CHRDL2: variants seen among roughly 807,000 people sequenced by gnomAD.
CHRDL2 encodes the protein chordin like 2.
A neutral mutation model predicts 54.3 loss-of-function variants in CHRDL2; 41 were observed. That is an observed-to-expected ratio of 0.76 (90% CI 0.59 to 0.98). The LOEUF (loss-of-function observed/expected upper bound fraction) is 0.98, where lower values mean the gene tolerates loss of function less well. CHRDL2 is among the 50% of genes least tolerant of loss of function. The pLI is 0.00. For synonymous variants in CHRDL2, 220 were observed against 224.3 expected, an observed-to-expected ratio of 0.98 and a Z score of 0.17; for missense variants, 518 against 562.4, an observed-to-expected ratio of 0.92 and a Z score of 0.80.
rs2034644812 is a variant in CHRDL2 at position 74,730,986 on chromosome 11, AC to A, written c.-99del. 1.0e-6 allele frequency: 1 copy of A among 979,340 alleles called. No homozygotes were observed. Among genetic ancestry groups the A allele is most frequent in the African/African-American group, 1.6e-5 (1 of 61,832 alleles). The allele number at this position is 979,340 out of a possible 1,614,324, so 60.7% of individuals were successfully genotyped here. On this transcript the variant is annotated 5_prime_UTR_variant, in exon 1 of 11. Coordinates refer to ENST00000376332, the MANE Select transcript of CHRDL2 (RefSeq NM_001278473.3). ...ACAGGGGCCACAGATCAACCCACAG[AC>A]CCCAGGAGGTCTGCTGCTAGAGCGG...
At chr11:74,709,366 T>G (rs2034113632) in intron 4 of CHRDL2, among the ~76,000 whole-genome samples, 2 of 152,198 alleles carry the variant, frequency 1.3e-5, no homozygotes, top group South Asian at 4.1e-4. Flanking sequence ...GAATTCTGGC[T>G]CTGTCACTTA....
At chr11:74,703,579 G>T in intron 7 of CHRDL2, 80 bp from the exon 8 acceptor site, 1 of 1,274,736 alleles carries the variant, frequency 7.8e-7, no homozygotes, top group Non-Finnish European at 1.1e-6. Context: ...CGGGTGGGGT[G>T]GGCCCTTGGG....
At chr11:74,706,609 C>T (rs1451458661) in intron 5 of CHRDL2, 67 bp from the exon 6 acceptor site, 1 of 1,468,294 alleles carries the variant, frequency 6.8e-7, no homozygotes, top group Non-Finnish European at 9.5e-7. Context: ...AGCCCTGAGG[C>T]CTCCACCTAT....
At chr11:74,717,761 G>A (rs1327484125) in intron 2 of CHRDL2, among the ~76,000 whole-genome samples, 1 of 152,202 alleles carries the variant, frequency 6.6e-6, no homozygotes, top group African/African-American at 2.4e-5. Context: ...TCTGTGCAGG[G>A]AAAGAGTGGG....
At chr11:74,712,407 C>G (rs2034222855) in intron 3 of CHRDL2, among the ~76,000 whole-genome samples, 2 of 152,260 alleles carry the variant, frequency 1.3e-5, no homozygotes, top group African/African-American at 4.8e-5. Flanking sequence ...AACAAGAGGC[C>G]TGGGCCAAGC....
intron 1 of CHRDL2, among the ~76,000 whole-genome samples, chr11:74,722,714 A>G (rs566739320): frequency 3.0e-4 from 46 of 152,216 alleles, no homozygotes; most frequent in African/African-American, 1.1e-3. Flanking sequence ...CTCATTTACT[A>G]CTGCACCAAT....
intron 1 of CHRDL2, 54 bp downstream of exon 1, chr11:74,730,753 A>G: frequency 6.6e-7 from 1 of 1,510,076 alleles, no homozygotes; most frequent in South Asian, 1.2e-5. Context: ...GCTGTCCCTC[A>G]CATTCCAGGG....
chr11:74,697,524 C>T (rs2033640507), intron 9 of CHRDL2: 1 of 578,252 alleles, frequency 1.7e-6, no homozygotes, highest in Non-Finnish European at 3.2e-6. Context: ...TGGGTCACTA[C>T]ACTAGAGTCC....
intron 4 of CHRDL2, 130 bp from the exon 5 acceptor site, chr11:74,708,525 C>A: frequency 1.5e-6 from 1 of 662,286 alleles, no homozygotes. Flanking sequence ...GAAGCAACAG[C>A]ATCTCCACAG....
intron 5 of CHRDL2, among the ~76,000 whole-genome samples, chr11:74,707,026 C>T (rs979225652): frequency 2.0e-5 from 3 of 152,164 alleles, no homozygotes; most frequent in African/African-American, 7.2e-5. Flanking sequence ...CCCCTTCGCC[C>T]CTCCAGCCTG....
chr11:74,718,723 T>A lies in CHRDL2; in HGVS notation c.192A>T (p.Ser64=). The A allele has an allele frequency of 3.1e-6, 5 of 1,609,558 alleles. No homozygotes were observed. Among genetic ancestry groups the A allele is most frequent in the Non-Finnish European group, 4.2e-6 (5 of 1,176,490 alleles). The change falls in exon 2 of 11, where the codon TCA becomes TCT. Residue 64 remains serine (S), a synonymous_variant. Coordinates refer to ENST00000376332, the MANE Select transcript of CHRDL2 (RefSeq NM_001278473.3). ...GLMYCLRCTC[S]EGAHVSCYRL... is the part of the protein sequence containing the mutation. ...TCAGGTGGCCAGAGGAACCTACCTC[T>A]GAGCAGGTACAGCGCAGGCAGTACA... is the stretch of plus-strand genomic sequence containing the variant.
chr11:74,703,392 G>C lies in CHRDL2; in HGVS notation c.859C>G (p.Gln287Glu). Residue 287 changes from glutamine to glutamate, a missense_variant, in exon 8 of 11, where the codon CAG (glutamine) becomes GAG (glutamate). Transcript: ENST00000376332. The part of the protein sequence containing the change: ...CILCTCEDGR[Q>E]DCQRVTCPTE... ...GGACAGGTCACACGCTGGCAGTCCTGGCGGCCATCCTCACAGGTGCATAGG... is the reference window on the plus strand; with the variant it reads ...GGACAGGTCACACGCTGGCAGTCCTCGCGGCCATCCTCACAGGTGCATAGG... 6.2e-7 allele frequency: 1 copy of C among 1,613,728 alleles called. No homozygotes were observed.
At chr11:74,720,873 A>G in intron 1 of CHRDL2, among the ~76,000 whole-genome samples, 1 of 152,166 alleles carries the variant, frequency 6.6e-6, no homozygotes, top group East Asian at 1.9e-4. Flanking sequence ...AAGGAGCTGG[A>G]GTTGGCCTCT....
chr11:74,727,547 G>A (rs1195393109), intron 1 of CHRDL2, among the ~76,000 whole-genome samples: 2 of 152,138 alleles, frequency 1.3e-5, no homozygotes, highest in East Asian at 1.9e-4. Context: ...TGGGACCACA[G>A]ATATGTGCCA....
In CHRDL2 at chr11:74,697,214, G is replaced by A; in HGVS notation, c.1204C>T (p.Pro402Ser). 6.2e-7 allele frequency: 1 copy of A among 1,613,480 alleles called. No individual in the cohort carries two copies. The highest frequency in any genetic ancestry group is 2.2e-5 in the East Asian group (1 of 44,880). The change falls in exon 10 of 11, where the codon CCC becomes TCC. Residue 402 changes from proline to serine, a missense_variant. Coordinates refer to ENST00000376332, the MANE Select transcript of CHRDL2 (RefSeq NM_001278473.3). Reference sequence around the variant, plus strand: ...CAGCCCAAGCTCCTACCTTCGTGGGGGCCAGCGAGCAGTCGGAAGTGCTGT... The same window carrying A: ...CAGCCCAAGCTCCTACCTTCGTGGGAGCCAGCGAGCAGTCGGAAGTGCTGT... ...EAQHFRLLAG[P>S]HEGHWNVFLA...
intron 3 of CHRDL2, among the ~76,000 whole-genome samples, chr11:74,711,192 C>T (rs2034183232): frequency 6.6e-6 from 1 of 152,128 alleles, no homozygotes; most frequent in South Asian, 2.1e-4. Flanking sequence ...TGACTGAGTC[C>T]CTCCCTCCCA....
chr11:74,720,050 C>G (rs2034468301), intron 1 of CHRDL2, among the ~76,000 whole-genome samples: 1 of 152,104 alleles, frequency 6.6e-6, no homozygotes, highest in Non-Finnish European at 1.5e-5. Context: ...AAGCTAAGTG[C>G]CAGTAAAGGT....
intron 8 of CHRDL2, 88 bp from the exon 9 acceptor site, chr11:74,703,055 T>C (rs2033882402): frequency 1.5e-6 from 2 of 1,335,732 alleles, no homozygotes; most frequent in Non-Finnish European, 2.1e-6. Context: ...TGTGACTTCA[T>C]GGAATCCGGA....
chr11:74,713,627 T>G, intron 2 of CHRDL2, 148 bp from the exon 3 acceptor site: 2 of 626,324 alleles, frequency 3.2e-6, no homozygotes, highest in Non-Finnish European at 2.8e-6. Context: ...GTGTGCCCGG[T>G]TCCTCCCCAT....
Sources: gnomAD v4.1 joint callset for allele counts (sites outside exome capture counted in the v4.1 genomes callset) on GRCh38, gnomAD v4.1.1 for gene constraint, MANE v1.5 for transcripts, NCBI Gene and HGNC (gene_info 2026-07-23, HGNC 2026-07-21) for gene names.